Variants in PLCB1 observed in about 807,000 individuals in gnomAD.
The protein encoded by PLCB1 is phospholipase C beta 1, also known as 1-phosphatidylinositol 4,5-bisphosphate phosphodiesterase beta-1.
A neutral mutation model predicts 161.8 loss-of-function variants in PLCB1; 46 were observed. That is an observed-to-expected ratio of 0.28 (90% CI 0.22 to 0.36). PLCB1 has a LOEUF of 0.36. Among genes scored for constraint, PLCB1 ranks in the 10% least tolerant of loss-of-function variants. The probability of loss-of-function intolerance (pLI) is 1.00; values close to 1 mark genes in which losing one functional copy is unlikely to be tolerated. For missense variants in PLCB1, 1,016 were observed against 1,472.5 expected (o/e 0.69, Z 5.07); for synonymous variants, 517 against 503.7 (o/e 1.03, Z -0.35).
At chr20:8,268,281 A>G (rs1982086615) in intron 2 of PLCB1, among the ~76,000 whole-genome samples, 1 of 152,042 alleles carries the variant, frequency 6.6e-6, no homozygotes, top group Non-Finnish European at 1.5e-5. Context: ...CCATGTCCCT[A>G]CAAAGGACAT....
rs73598275 is a variant in PLCB1 at position 8,136,817 on chromosome 20, T to C, written c.99+4067T>C. On this transcript the variant is annotated intron_variant, in intron 1 of 31. Transcript: ENST00000338037. Reference sequence around the variant, plus strand: ...AAAAATCAGGTTTCTCACCTTCTTTTAAAAATCCAGGTGTTTCACGGAAAA... The same window carrying C: ...AAAAATCAGGTTTCTCACCTTCTTTCAAAAATCCAGGTGTTTCACGGAAAA... Among the ~76,000 whole-genome samples, 82 of 152,296 alleles carry C rather than the reference T, an allele frequency of 5.4e-4. 1 individual carries two copies. The East Asian group carries it at 0.014, about 26-fold the overall frequency.
At chr20:8,492,176 ATT>A (rs11477844) in intron 3 of PLCB1, among the ~76,000 whole-genome samples, 2,334 of 146,906 alleles carry the variant, frequency 0.016, 51 homozygotes, top group African/African-American at 0.051. Flanking sequence ...TTTGCCAACC[ATT>A]TTTTTTTTTT....
At chr20:8,435,142 G>A (rs1447594047) in intron 3 of PLCB1, among the ~76,000 whole-genome samples, 1 of 152,224 alleles carries the variant, frequency 6.6e-6, no homozygotes, top group Non-Finnish European at 1.5e-5. Context: ...CCAGTGGCAT[G>A]AATGTGTCAC....
chr20:8,666,173 C>T (rs1989808212), intron 9 of PLCB1, among the ~76,000 whole-genome samples: 1 of 152,102 alleles, frequency 6.6e-6, no homozygotes, highest in Non-Finnish European at 1.5e-5. Context: ...GAGACTGAGC[C>T]CTAACTGCCC....
At chr20:8,259,254 G>A (rs933520548) in intron 2 of PLCB1, among the ~76,000 whole-genome samples, 2 of 152,232 alleles carry the variant, frequency 1.3e-5, no homozygotes, top group Non-Finnish European at 2.9e-5. Context: ...CAATAAAATG[G>A]TAAAATAATC....
chr20:8,269,388 T>C (rs890909241), intron 2 of PLCB1, among the ~76,000 whole-genome samples: 2 of 152,166 alleles, frequency 1.3e-5, no homozygotes, highest in African/African-American at 4.8e-5. Context: ...TGTATTCTCA[T>C]ATGCAAAATG....
At chr20:8,498,509 G>A (rs544628346) in intron 3 of PLCB1, among the ~76,000 whole-genome samples, 1 of 152,108 alleles carries the variant, frequency 6.6e-6, no homozygotes, top group Non-Finnish European at 1.5e-5. Context: ...GAGAATTTGG[G>A]GTACAGTGGC....
At chr20:8,424,344 T>G (rs1979657764) in intron 3 of PLCB1, among the ~76,000 whole-genome samples, 3 of 152,220 alleles carry the variant, frequency 2.0e-5, no homozygotes, top group Admixed American at 2.0e-4. Context: ...TCTTTACATT[T>G]GAAAGGCAAC....
At chr20:8,666,895 A>G (rs1249963185) in intron 9 of PLCB1, among the ~76,000 whole-genome samples, 2 of 152,046 alleles carry the variant, frequency 1.3e-5, no homozygotes, top group African/African-American at 2.4e-5. Context: ...CTGTTGCCCT[A>G]TCACTCTTTC....
At chr20:8,861,565 A>C (rs948033206) in intron 31 of PLCB1, among the ~76,000 whole-genome samples, 1 of 152,094 alleles carries the variant, frequency 6.6e-6, no homozygotes, top group Non-Finnish European at 1.5e-5. Flanking sequence ...CCCCGTCTCT[A>C]CTAAAAATAC....
chr20:8,463,179 G>GTGTGTGTGTC (rs1364374179), intron 3 of PLCB1, among the ~76,000 whole-genome samples: 1 of 142,910 alleles, frequency 7.0e-6, no homozygotes, highest in East Asian at 2.0e-4. Flanking sequence ...GTGTGTGTGT[G>GTGTGTGTGTC]TGTCTGTGTA....
intron 4 of PLCB1, among the ~76,000 whole-genome samples, chr20:8,633,688 GCA>G (rs1345351896): frequency 2.0e-5 from 3 of 152,004 alleles, no homozygotes; most frequent in Non-Finnish European, 2.9e-5. Flanking sequence ...ACAGAAAAGT[GCA>G]CAGTTTCTTA....
intron 9 of PLCB1, among the ~76,000 whole-genome samples, chr20:8,674,934 A>G (rs1990037900): frequency 6.6e-6 from 1 of 152,190 alleles, no homozygotes. Flanking sequence ...GATTGAACAC[A>G]TGATTTATTT....
chr20:8,827,014 G>A (rs928610102), intron 31 of PLCB1, among the ~76,000 whole-genome samples: 3 of 152,224 alleles, frequency 2.0e-5, no homozygotes, highest in Admixed American at 6.5e-5. Context: ...CATCTCTTAG[G>A]TCAGTTTTGC....
At position 8,557,317 on chromosome 20, in the gene PLCB1, T is replaced by C. The variant is rs896410147; in HGVS notation, c.247-70977T>C. Among the ~76,000 whole-genome samples the C allele has an allele frequency of 5.7e-4, 87 of 151,920 alleles. 1 individual carries two copies. The highest frequency in any genetic ancestry group is 2.0e-3 in the African/African-American group (81 of 41,384). On this transcript the variant is annotated intron_variant, in intron 3 of 31. Coordinates refer to ENST00000338037, the MANE Select transcript of PLCB1 (RefSeq NM_015192.4). The stretch of plus-strand genomic sequence containing the variant: ...ACCCAAATATCCATCAGTGGAGAAA[T>C]AGATAAACAAAATGTGGTATATACT...
At chr20:8,586,503 C>T (rs767765339) in intron 3 of PLCB1, among the ~76,000 whole-genome samples, 1 of 148,744 alleles carries the variant, frequency 6.7e-6, no homozygotes, top group Admixed American at 6.7e-5. Context: ...TAGGGAAAAA[C>T]GTATTTGCAT....
At chr20:8,678,248 T>C in intron 9 of PLCB1, among the ~76,000 whole-genome samples, 1 of 152,322 alleles carries the variant, frequency 6.6e-6, no homozygotes, top group South Asian at 2.1e-4. Flanking sequence ...TGTGTAGTCA[T>C]GATAACATAA....
intron 31 of PLCB1, among the ~76,000 whole-genome samples, chr20:8,832,627 G>C (rs567815444): frequency 4.6e-5 from 7 of 152,192 alleles, no homozygotes; most frequent in Admixed American, 2.6e-4. Context: ...TCTTGAGCCA[G>C]ATTATAGGAA....
At chr20:8,667,773 G>C (rs530673689) in intron 9 of PLCB1, among the ~76,000 whole-genome samples, 19 of 152,322 alleles carry the variant, frequency 1.2e-4, no homozygotes, top group African/African-American at 4.6e-4. Context: ...ATAGTCTGCT[G>C]AGTCTTGTTA....
Sources: allele counts gnomAD v4.1 joint callset (sites outside exome capture counted in the v4.1 genomes callset), GRCh38; gene constraint gnomAD v4.1.1; transcripts MANE v1.5; gene names NCBI Gene and HGNC (gene_info 2026-07-23, HGNC 2026-07-21).